Variants in RAPGEF6 observed in about 807,000 individuals in gnomAD.
RAPGEF6 encodes Rap guanine nucleotide exchange factor 6, also known as PDZ domain containing guanine nucleotide exchange factor (GEF) 2.
RAPGEF6 carries 56 observed loss-of-function variants against 171.4 expected under a neutral mutation model. The ratio of observed to expected loss-of-function variants is 0.33; its 90% CI spans 0.26 to 0.41. The LOEUF (loss-of-function observed/expected upper bound fraction) is 0.41, where lower values mean the gene tolerates loss of function less well. Among genes scored for constraint, RAPGEF6 ranks in the 10% least tolerant of loss-of-function variants. The pLI is 1.00. For missense variants in RAPGEF6, 1,674 were observed against 1,921.4 expected (o/e 0.87, Z 2.41); for synonymous variants, 692 against 650.1 (o/e 1.06, Z -0.98).
intron 7 of RAPGEF6, among the ~76,000 whole-genome samples, chr5:131,520,979 G>A (rs1332559426): frequency 6.6e-6 from 1 of 152,058 alleles, no homozygotes; most frequent in East Asian, 1.9e-4. Context: ...CTACAACAGA[G>A]GCTTTATGGT....
chr5:131,623,985 G>C (rs945705156), intron 1 of RAPGEF6, among the ~76,000 whole-genome samples: 2 of 152,174 alleles, frequency 1.3e-5, no homozygotes, highest in Admixed American at 6.5e-5. Flanking sequence ...TAGGAACACA[G>C]AGGAGTGGAA....
chr5:131,542,578 T>G (rs1760224946), intron 6 of RAPGEF6, among the ~76,000 whole-genome samples: 1 of 152,162 alleles, frequency 6.6e-6, no homozygotes, highest in African/African-American at 2.4e-5. Flanking sequence ...GATATTTAAA[T>G]AAACAATTAC....
chr5:131,429,095 A>T lies in RAPGEF6; in HGVS notation c.4587T>A (p.Pro1529=), dbSNP rs772396727. ...TCTGCACTGCCACACTATAATCTGG[A>T]GGTTTTAGGTGTGTGTGGGGTCCTT... ...LKEGPHTHLK[P]PDYSVAVQRS... is the part of the protein sequence containing the mutation. The change falls in exon 27 of 28, where the codon CCT becomes CCA. Residue 1529 remains proline, a synonymous_variant. Coordinates refer to ENST00000509018, the MANE Select transcript of RAPGEF6 (RefSeq NM_016340.6). 1 of 1,614,142 alleles carries T rather than the reference A, an allele frequency of 6.2e-7. No individual in the cohort carries two copies. Among genetic ancestry groups the T allele is most frequent in the South Asian group, 1.1e-5 (1 of 91,078 alleles).
chr5:131,514,380 T>C (rs1026702176), intron 7 of RAPGEF6, among the ~76,000 whole-genome samples: 3 of 151,528 alleles, frequency 2.0e-5, no homozygotes, highest in Non-Finnish European at 4.4e-5. Flanking sequence ...GAAGATGCAG[T>C]TCCTGGGCAG....
rs116595102 is a variant in RAPGEF6 at position 131,546,616 on chromosome 5, T to A, written c.495+1431A>T. Among the ~76,000 whole-genome samples the A allele has an allele frequency of 7.0e-3, 1,048 of 150,270 alleles. 3 individuals carry two copies. The highest frequency in any genetic ancestry group is 0.011 in the Non-Finnish European group (719 of 67,440). ...GACACTCCATCTCAAAAAAAAAAAA[T>A]AAATAAATAATGAAGAACTGGAAAG... is the stretch of plus-strand genomic sequence containing the variant. On this transcript the variant is annotated intron_variant, in intron 6 of 27. Coordinates refer to ENST00000509018, the MANE Select transcript of RAPGEF6 (RefSeq NM_016340.6).
At chr5:131,620,924 G>A (rs1006257287) in intron 1 of RAPGEF6, among the ~76,000 whole-genome samples, 22 of 152,122 alleles carry the variant, frequency 1.4e-4, no homozygotes, top group Admixed American at 1.4e-3. Context: ...CTGCCAAAGC[G>A]ATCTTTCTGG....
intron 4 of RAPGEF6, among the ~76,000 whole-genome samples, chr5:131,566,559 C>A (rs753721808): frequency 3.3e-5 from 5 of 151,928 alleles, no homozygotes; most frequent in Non-Finnish European, 5.9e-5. Flanking sequence ...TGATTTTTGC[C>A]TAGTATTGGT....
chr5:131,593,618 C>T (rs1191318013), intron 3 of RAPGEF6, among the ~76,000 whole-genome samples: 1 of 152,186 alleles, frequency 6.6e-6, no homozygotes, highest in Non-Finnish European at 1.5e-5. Context: ...CAATGAAGTC[C>T]AGGCTGAGGT....
chr5:131,612,120 G>A (rs1447998275), intron 1 of RAPGEF6, among the ~76,000 whole-genome samples: 3 of 151,422 alleles, frequency 2.0e-5, no homozygotes, highest in Non-Finnish European at 2.9e-5. Flanking sequence ...CTGATGCCTC[G>A]ATCTCCAGGA....
intron 15 of RAPGEF6, among the ~76,000 whole-genome samples, chr5:131,485,666 T>C (rs1421393555): frequency 6.6e-6 from 1 of 152,216 alleles, no homozygotes; most frequent in Non-Finnish European, 1.5e-5. Flanking sequence ...GGTATTCTTC[T>C]GCGAATTGCC....
At chr5:131,435,047 A>G (rs1038408048) in intron 24 of RAPGEF6, among the ~76,000 whole-genome samples, 2 of 152,224 alleles carry the variant, frequency 1.3e-5, no homozygotes, top group African/African-American at 4.8e-5. Context: ...TTCATGCAGA[A>G]AGAGGATGAC....
intron 11 of RAPGEF6, among the ~76,000 whole-genome samples, chr5:131,500,837 C>T (rs990123758): frequency 1.3e-5 from 2 of 152,140 alleles, no homozygotes; most frequent in Admixed American, 6.5e-5. Context: ...TCTCCCAGAT[C>T]TCACACAGGG....
intron 4 of RAPGEF6, among the ~76,000 whole-genome samples, chr5:131,564,524 C>T (rs765457573): frequency 1.3e-5 from 2 of 152,078 alleles, no homozygotes; most frequent in African/African-American, 2.4e-5. Context: ...CTAGACTATA[C>T]GTTAGAACAA....
intron 15 of RAPGEF6, among the ~76,000 whole-genome samples, chr5:131,487,609 G>C (rs1354845272): frequency 1.3e-5 from 2 of 151,996 alleles, no homozygotes; most frequent in Non-Finnish European, 2.9e-5. Context: ...CCTTTACCTA[G>C]ACCCAGAGCG....
At chr5:131,583,003 C>T (rs1554084290) in intron 4 of RAPGEF6, among the ~76,000 whole-genome samples, 1 of 152,172 alleles carries the variant, frequency 6.6e-6, no homozygotes, top group Non-Finnish European at 1.5e-5. Context: ...ACATATTATG[C>T]AGAGAGATGA....
chr5:131,518,637 C>A (rs747878886), intron 7 of RAPGEF6, among the ~76,000 whole-genome samples: 1 of 152,054 alleles, frequency 6.6e-6, no homozygotes, highest in African/African-American at 2.4e-5. Flanking sequence ...CTCAGGTGAT[C>A]CGCCCACCTC....
intron 2 of RAPGEF6, 99 bp downstream of exon 2, chr5:131,604,524 T>C: frequency 4.4e-6 from 6 of 1,359,106 alleles, no homozygotes; most frequent in Admixed American, 2.4e-5. Context: ...ACCAAGGGCT[T>C]AAAACAATAA....
At chr5:131,591,036 T>C (rs1763555807) in intron 4 of RAPGEF6, among the ~76,000 whole-genome samples, 10 of 152,204 alleles carry the variant, frequency 6.6e-5, no homozygotes, top group Admixed American at 6.5e-4. Flanking sequence ...GTCAACTATA[T>C]GTGTTATTCA....
chr5:131,440,472 T>G (rs188692291), intron 23 of RAPGEF6, among the ~76,000 whole-genome samples: 3 of 152,178 alleles, frequency 2.0e-5, no homozygotes, highest in South Asian at 4.1e-4. Flanking sequence ...GTATGGTGGC[T>G]CACGCCTGTA....
Sources: allele counts gnomAD v4.1 joint callset (sites outside exome capture counted in the v4.1 genomes callset), GRCh38; gene constraint gnomAD v4.1.1; transcripts MANE v1.5; gene names NCBI Gene and HGNC (gene_info 2026-07-23, HGNC 2026-07-21).